EMC7: variants seen among roughly 807,000 people sequenced by gnomAD.
The protein encoded by EMC7 is endoplasmic reticulum membrane protein complex subunit 7.
EMC7 carries 4 observed loss-of-function variants against 24.4 expected under a neutral mutation model. The observed-to-expected ratio is 0.16, with a 90% CI of 0.08 to 0.38. EMC7 has a LOEUF of 0.38. Ranked by LOEUF, EMC7 falls within the 10% of genes least tolerant of loss-of-function variation. EMC7 has a pLI of 1.00. For synonymous variants in EMC7, 106 were observed against 112.0 expected (o/e 0.95, Z 0.34); for missense variants, 221 against 300.6 (o/e 0.74, Z 1.96).
At chr15:34,089,991 G>A (rs1249483230) in intron 3 of EMC7, among the ~76,000 whole-genome samples, 4 of 152,058 alleles carry the variant, frequency 2.6e-5, no homozygotes, top group African/African-American at 9.7e-5. Flanking sequence ...CAAAAAATAC[G>A]CAGGTAGTAT....
chr15:34,095,974 A>T lies in EMC7; in HGVS notation c.277T>A (p.Ser93Thr). Residue 93 changes from serine to threonine, a missense_variant, in exon 2 of 5, where the codon TCT (serine) becomes ACT (threonine). Coordinates refer to ENST00000256545, the MANE Select transcript of EMC7 (RefSeq NM_020154.3). ...GGAGATACAACTTCCACTACATAAG[A>T]TCCAGAAGGTATATCATGAACCACA... ...SFVVHDIPSG[S>T]YVVEVVSPAY... The T allele has an allele frequency of 3.7e-6, 6 of 1,609,522 alleles. No homozygotes were observed. The highest frequency in any genetic ancestry group is 5.1e-6 in the Non-Finnish European group (6 of 1,176,618).
chr15:34,092,261 T>TCTCACACACA (rs1555523197), intron 2 of EMC7, among the ~76,000 whole-genome samples: 3 of 141,564 alleles, frequency 2.1e-5, no homozygotes, highest in East Asian at 2.1e-4. Flanking sequence ...TGAGACTCCG[T>TCTCACACACA]CACACACACA....
intron 2 of EMC7, among the ~76,000 whole-genome samples, chr15:34,090,848 TTGA>T (rs1358023486): frequency 9.9e-5 from 15 of 152,228 alleles, no homozygotes; most frequent in Non-Finnish European, 1.9e-4. Flanking sequence ...TTTTATTTTT[TTGA>T]TGGTCTAAGA....
At chr15:34,091,876 T>C (rs1484568695) in intron 2 of EMC7, among the ~76,000 whole-genome samples, 1 of 152,232 alleles carries the variant, frequency 6.6e-6, no homozygotes, top group Non-Finnish European at 1.5e-5. Context: ...AAAATGTTCG[T>C]CATATTTTTA....
At chr15:34,089,726 G>A (rs1900949612) in intron 3 of EMC7, among the ~76,000 whole-genome samples, 1 of 152,204 alleles carries the variant, frequency 6.6e-6, no homozygotes, top group Non-Finnish European at 1.5e-5. Context: ...GGAGGCCGAG[G>A]CGGGCAGATC....
At chr15:34,087,490 G>T (rs1277475536) in intron 4 of EMC7, among the ~76,000 whole-genome samples, 1 of 152,176 alleles carries the variant, frequency 6.6e-6, no homozygotes, top group Non-Finnish European at 1.5e-5. Flanking sequence ...CTATCTGTGT[G>T]TCTGAACACA....
intron 2 of EMC7, among the ~76,000 whole-genome samples, chr15:34,095,442 G>T (rs1469410842): frequency 6.6e-6 from 1 of 151,908 alleles, no homozygotes; most frequent in Non-Finnish European, 1.5e-5. Context: ...TATTTCCATT[G>T]AACATAAAAG....
chr15:34,085,127 T>C (rs1900857205), intron 4 of EMC7, among the ~76,000 whole-genome samples: 1 of 152,196 alleles, frequency 6.6e-6, no homozygotes, highest in Admixed American at 6.5e-5. Flanking sequence ...TATATCAAGG[T>C]ATCAGTACAG....
chr15:34,093,655 C>T (rs1901013437), intron 2 of EMC7, among the ~76,000 whole-genome samples: 1 of 149,644 alleles, frequency 6.7e-6, no homozygotes, highest in African/African-American at 2.5e-5. Context: ...GTATATATAA[C>T]ATATACTGTG....
At chr15:34,098,832 A>C (rs963034138) in intron 1 of EMC7, among the ~76,000 whole-genome samples, 1 of 152,122 alleles carries the variant, frequency 6.6e-6, no homozygotes, top group Non-Finnish European at 1.5e-5. Flanking sequence ...TGACAGTGGA[A>C]CACAAATAAT....
In EMC7 at chr15:34,088,501, T is replaced by C. The variant is rs8035226; in HGVS notation, c.496-368A>G. 8.6e-3 allele frequency among the ~76,000 whole-genome samples: 1,243 copies of C among 144,042 alleles called. 28 individuals carry two copies. Among genetic ancestry groups the C allele is most frequent in the South Asian group, 0.029 (136 of 4,618 alleles). The allele number at this position is 144,042 out of a possible 152,430, so 94.5% of individuals were successfully genotyped here. On this transcript the variant is annotated intron_variant, in intron 3 of 4. Coordinates refer to ENST00000256545, the MANE Select transcript of EMC7 (RefSeq NM_020154.3). The stretch of plus-strand genomic sequence containing the variant: ...TTTTTTTTAATCTATAGTCTGGCAA[T>C]GGGATTGGTGATCTGATGGCAAGCT...
Position 34,093,802 on chromosome 15 carries a change from C to T in EMC7, c.356+2093G>A, listed in dbSNP as rs1367732276. Among the ~76,000 whole-genome samples, 41 of 7,374 alleles carry T rather than the reference C, an allele frequency of 5.6e-3. No individual in the cohort carries two copies. In the South Asian group the frequency reaches 0.18, roughly 33 times the overall value. The allele number at this position is 7,374 out of a possible 152,430, so 4.8% of individuals were successfully genotyped here. On this transcript the variant is annotated intron_variant, in intron 2 of 4. Transcript: ENST00000256545. ...ATGTATACACACACACACACACACA[C>T]ACACATATATATATATATATATTTT...
intron 1 of EMC7, among the ~76,000 whole-genome samples, chr15:34,096,773 A>AG (rs1468952708): frequency 1.3e-5 from 2 of 151,812 alleles, no homozygotes; most frequent in African/African-American, 2.4e-5. Context: ...AGATCACCTG[A>AG]GGTTGGGAGT....
At chr15:34,097,644 G>T (rs981624684) in intron 1 of EMC7, among the ~76,000 whole-genome samples, 1 of 152,118 alleles carries the variant, frequency 6.6e-6, no homozygotes, top group African/African-American at 2.4e-5. Flanking sequence ...CTGTATCAGA[G>T]AATTCCCGAT....
chr15:34,101,675 C>A lies in EMC7; in HGVS notation c.165G>T (p.Gly55=), dbSNP rs751035105. ...CCGAGATCCAGTCCTGAGGCTTCAC[C>A]CCTGGAACAACTGCACGCCCCTCAA... ...FKIEGRAVVP[G]VKPQDWISAA... is the part of the protein sequence containing the mutation. Residue 55 remains glycine, a synonymous_variant, in exon 1 of 5, where the codon GGG becomes GGT. Coordinates refer to ENST00000256545, the MANE Select transcript of EMC7 (RefSeq NM_020154.3). 6.2e-6 allele frequency: 10 copies of A among 1,613,886 alleles called. No homozygotes were observed. The highest frequency in any genetic ancestry group is 8.5e-6 in the Non-Finnish European group (10 of 1,179,990).
chr15:34,093,645 G>A (rs1323311558), intron 2 of EMC7, among the ~76,000 whole-genome samples: 1 of 149,806 alleles, frequency 6.7e-6, no homozygotes, highest in Non-Finnish European at 1.5e-5. Context: ...GTTTAAAGCA[G>A]TATATATAAC....
intron 4 of EMC7, chr15:34,085,836 C>T (rs951319691): frequency 7.7e-6 from 1 of 130,130 alleles, no homozygotes; most frequent in South Asian, 2.4e-4. Flanking sequence ...CTGAAGCTCC[C>T]CTTTTTTTTT....
In EMC7 at chr15:34,084,050, T is replaced by C. The variant is rs1177605219; in HGVS notation, c.*284A>G. On this transcript the variant is annotated 3_prime_UTR_variant, in exon 5 of 5. Transcript: ENST00000256545. ...CTGGATTAAGATGTTTTAATTAATATACATAATGTATAGTAGTTCATATAA... is the reference window on the plus strand; with the variant it reads ...CTGGATTAAGATGTTTTAATTAATACACATAATGTATAGTAGTTCATATAA... The C allele has an allele frequency of 3.8e-6, 1 of 265,780 alleles. No individual in the cohort carries two copies. The highest frequency in any genetic ancestry group is 6.9e-5 in the East Asian group (1 of 14,434). 16.5% of individuals were successfully genotyped at this position (265,780 alleles called of 1,614,324 possible).
At chr15:34,097,773 A>G (rs1016186413) in intron 1 of EMC7, among the ~76,000 whole-genome samples, 4 of 152,196 alleles carry the variant, frequency 2.6e-5, no homozygotes, top group African/African-American at 4.8e-5. Flanking sequence ...TGACGAGACC[A>G]TCCTGACTAA....
Sources: allele counts gnomAD v4.1 joint callset (sites outside exome capture counted in the v4.1 genomes callset), GRCh38; gene constraint gnomAD v4.1.1; transcripts MANE v1.5; gene names NCBI Gene and HGNC (gene_info 2026-07-23, HGNC 2026-07-21).